Variants in RAD54L2 observed in about 807,000 individuals in gnomAD.
RAD54L2 encodes RAD54 like 2, also known as helicase ARIP4.
In RAD54L2, 27 loss-of-function variants were observed where a neutral mutation model predicts 138.4. The ratio of observed to expected loss-of-function variants is 0.20; its 90% confidence interval spans 0.14 to 0.27. The LOEUF (loss-of-function observed/expected upper bound fraction) is 0.27. Among genes scored for constraint, RAD54L2 ranks in the 10% least tolerant of loss-of-function variants. The pLI is 1.00. For synonymous variants in RAD54L2, 644 were observed against 723.2 expected (o/e 0.89, Z 1.76); for missense variants, 1,396 against 1,890.2 (o/e 0.74, Z 4.85).
chr3:51,621,123 G>A (rs1479983678), intron 3 of RAD54L2, among the ~76,000 whole-genome samples: 3 of 152,064 alleles, frequency 2.0e-5, no homozygotes, highest in African/African-American at 7.2e-5. Context: ...TAAAGGTATA[G>A]CATCTATTAT....
intron 3 of RAD54L2, among the ~76,000 whole-genome samples, chr3:51,614,021 T>C (rs1700390574): frequency 6.6e-6 from 1 of 152,178 alleles, no homozygotes; most frequent in African/African-American, 2.4e-5. Context: ...CACAGCATTA[T>C]CTAATCCCAA....
chr3:51,637,442 G>A lies in RAD54L2; in HGVS notation c.1621G>A (p.Val541Ile), dbSNP rs144473707. 1,552 of 1,613,866 alleles carry A rather than the reference G, an allele frequency of 9.6e-4. 3 individuals are homozygous for A. The highest frequency in any genetic ancestry group is 1.2e-3 in the Non-Finnish European group (1,413 of 1,179,834). Residue 541 changes from valine (V) to isoleucine (I), a missense_variant, in exon 11 of 23, where the codon GTC becomes ATC. Val to Ile is a conservative substitution (Grantham distance 29, BLOSUM62 3). This residue lies in a region of RAD54L2 where 36 missense variants were observed against 107.2 expected (regional missense o/e 0.34). Coordinates refer to ENST00000684192, the MANE Select transcript of RAD54L2 (RefSeq NM_015106.4). This position sits in a 1 kb window ranked among gnomAD's most constrained non-coding sequence, Gnocchi z 5.9. ...GQCIDSTPQD[V>I]RLMRYRSHVL... The stretch of plus-strand genomic sequence containing the variant: ...ATGTATTGACAGCACACCTCAGGAC[G>A]TCCGCCTCATGCGGTACCGGAGCCA...
At chr3:51,639,730 C>T (rs927369998) in intron 13 of RAD54L2, 60 bp downstream of exon 13, 17 of 1,592,074 alleles carry the variant, frequency 1.1e-5, no homozygotes, top group Non-Finnish European at 1.4e-5. Flanking sequence ...TGGTGCAAGC[C>T]CTGCCTGGGG....
intron 2 of RAD54L2, among the ~76,000 whole-genome samples, chr3:51,575,352 A>C (rs1312809365): frequency 2.6e-5 from 4 of 152,138 alleles, no homozygotes; most frequent in African/African-American, 9.7e-5. Flanking sequence ...GTTCCATATG[A>C]ACTTTAAAGT....
chr3:51,552,887 A>G (rs903927511), intron 2 of RAD54L2, among the ~76,000 whole-genome samples: 3 of 152,088 alleles, frequency 2.0e-5, no homozygotes, highest in Admixed American at 1.3e-4. Flanking sequence ...ATCTTTGTCA[A>G]TTTGAAGCCT....
At position 51,616,553 on chromosome 3, in the gene RAD54L2, C is replaced by T. The variant is rs557060136; in HGVS notation, c.140-11000C>T. ...AAGAAAATATCCACTGTCAGCTGGG[C>T]GTGGTGGCTCATGCCTGTAATCCCA... On this transcript the variant is annotated intron_variant, in intron 3 of 22. Coordinates refer to ENST00000684192, the MANE Select transcript of RAD54L2 (RefSeq NM_015106.4). 2.1e-3 allele frequency among the ~76,000 whole-genome samples: 321 copies of T among 152,220 alleles called. 3 individuals are homozygous for T. The highest frequency in any genetic ancestry group is 3.3e-3 in the Admixed American group (51 of 15,272).
chr3:51,612,963 C>T (rs539753517), intron 3 of RAD54L2, among the ~76,000 whole-genome samples: 119 of 151,962 alleles, frequency 7.8e-4, no homozygotes, highest in African/African-American at 2.7e-3. Context: ...TTTTTTGAGA[C>T]GAGTCTCGCT....
rs1698873800 is a variant in RAD54L2 at position 51,552,903 on chromosome 3, A to G, written c.-55+11253A>G. Among the ~76,000 whole-genome samples the G allele has an allele frequency of 2.0e-5, 3 of 152,086 alleles. No homozygotes were observed. The East Asian group carries it at 5.8e-4, about 29-fold the overall frequency. On this transcript the variant is annotated intron_variant, in intron 2 of 22. Coordinates refer to ENST00000684192, the MANE Select transcript of RAD54L2 (RefSeq NM_015106.4). Reference sequence around the variant, plus strand: ...TCTTTGTCAATTTGAAGCCTAGGTAACTAATTTTTATTTACATTTATTTAT... The same window carrying G: ...TCTTTGTCAATTTGAAGCCTAGGTAGCTAATTTTTATTTACATTTATTTAT...
At chr3:51,545,780 T>A (rs1698676532) in intron 2 of RAD54L2, among the ~76,000 whole-genome samples, 1 of 151,738 alleles carries the variant, frequency 6.6e-6, no homozygotes, top group African/African-American at 2.4e-5. Flanking sequence ...GGGGTCCCAC[T>A]ATGTTGCGCA....
At chr3:51,597,188 A>AT (rs2106726068) in intron 3 of RAD54L2, among the ~76,000 whole-genome samples, 2 of 151,170 alleles carry the variant, frequency 1.3e-5, no homozygotes, top group African/African-American at 4.8e-5. Flanking sequence ...AAAAAAAAAA[A>AT]ACCCCACAAA....
chr3:51,580,904 ATAT>A (rs1239033371), intron 2 of RAD54L2, among the ~76,000 whole-genome samples: 2 of 152,208 alleles, frequency 1.3e-5, no homozygotes, highest in Non-Finnish European at 2.9e-5. Flanking sequence ...TTAGTACGTT[ATAT>A]TATTTTCTGT....
At chr3:51,595,619 G>A (rs1699942097) in intron 3 of RAD54L2, among the ~76,000 whole-genome samples, 1 of 152,164 alleles carries the variant, frequency 6.6e-6, no homozygotes, top group Non-Finnish European at 1.5e-5. Context: ...CGGAGGTTTG[G>A]CTGTTGGAGA....
At chr3:51,582,490 T>C (rs958100587) in intron 2 of RAD54L2, among the ~76,000 whole-genome samples, 16 of 152,124 alleles carry the variant, frequency 1.1e-4, no homozygotes, top group Non-Finnish European at 1.6e-4. Flanking sequence ...GGTGGAGCAG[T>C]GTCTGTCACA....
At chr3:51,615,019 T>C (rs1700413264) in intron 3 of RAD54L2, among the ~76,000 whole-genome samples, 1 of 151,978 alleles carries the variant, frequency 6.6e-6, no homozygotes, top group Non-Finnish European at 1.5e-5. Context: ...TTTTATTTTA[T>C]TTTATTTTTC....
rs1245967755 is a variant in RAD54L2, at chr3:51,590,698, A to G, written c.139+139A>G. ...GATACAGACTAGGAACTGAGATGCA[A>G]TGAATTCAGATGCTCATTCCTAGGA... On this transcript the variant is annotated intron_variant, in intron 3 of 22. Transcript: ENST00000684192. 35 of 1,119,124 alleles carry G rather than the reference A, an allele frequency of 3.1e-5. No individual in the cohort carries two copies. The East Asian group carries it at 3.9e-4, about 12-fold the overall frequency. The allele number at this position is 1,119,124 out of a possible 1,614,324, so 69.3% of individuals were successfully genotyped here. A position where few individuals can be genotyped will look rare whatever the true frequency, so the allele number is the denominator to read the frequency against.
intron 2 of RAD54L2, among the ~76,000 whole-genome samples, chr3:51,585,073 A>G (rs1699683296): frequency 1.3e-5 from 2 of 151,778 alleles, no homozygotes; most frequent in African/African-American, 4.8e-5. Flanking sequence ...AGTCTCCCAA[A>G]GTGTTGGGAT....
intron 2 of RAD54L2, among the ~76,000 whole-genome samples, chr3:51,557,558 TATTA>T (rs1294072468): frequency 6.6e-6 from 1 of 151,796 alleles, no homozygotes; most frequent in Non-Finnish European, 1.5e-5. Flanking sequence ...CTTATGTTCT[TATTA>T]ATTACACGCC....
chr3:51,577,276 A>G (rs958225672), intron 2 of RAD54L2, among the ~76,000 whole-genome samples: 3 of 152,182 alleles, frequency 2.0e-5, no homozygotes, highest in African/African-American at 4.8e-5. Context: ...TATGTGGTCA[A>G]TTTTGGAATA....
intron 2 of RAD54L2, among the ~76,000 whole-genome samples, chr3:51,572,534 T>C (rs947833400): frequency 3.3e-5 from 5 of 151,174 alleles, no homozygotes; most frequent in African/African-American, 1.2e-4. Flanking sequence ...ACATGAATTG[T>C]TTGAACCTGG....
Sources: allele counts gnomAD v4.1 joint callset (sites outside exome capture counted in the v4.1 genomes callset), GRCh38; gene constraint gnomAD v4.1.1; regional missense constraint gnomAD v4.1.1; non-coding constraint Gnocchi (gnomAD v3.1); transcripts MANE v1.5; gene names NCBI Gene and HGNC (gene_info 2026-07-23, HGNC 2026-07-21).